The following ZNF532 variants were observed in gnomAD, a reference collection of about 807,000 sequenced individuals.
The protein encoded by ZNF532 is zinc finger protein 532.
ZNF532 carries 22 observed loss-of-function variants against 89.3 expected under a neutral mutation model. That is an observed-to-expected ratio of 0.25 (90% confidence interval 0.18 to 0.35). ZNF532 has a LOEUF of 0.35. Among genes scored for constraint, ZNF532 ranks in the 10% least tolerant of loss-of-function variants. ZNF532 has a pLI of 1.00. For missense variants in ZNF532, 1,132 were observed against 1,643.4 expected (o/e 0.69, Z 5.38); for synonymous variants, 606 against 649.6 (o/e 0.93, Z 1.02).
At chr18:58,952,900 ATG>A (rs1485295767) in intron 6 of ZNF532, among the ~76,000 whole-genome samples, 2 of 152,196 alleles carry the variant, frequency 1.3e-5, no homozygotes, top group Non-Finnish European at 2.9e-5. Context: ...TGAGTATCTA[ATG>A]TGTGTAGTTC....
chr18:58,915,758 G>A (rs2060559497), intron 2 of ZNF532, among the ~76,000 whole-genome samples: 1 of 152,208 alleles, frequency 6.6e-6, no homozygotes, highest in East Asian at 1.9e-4. Flanking sequence ...CTCAAGTTTG[G>A]TTTCATGGGG....
chr18:58,963,904 G>A (rs563099633), intron 7 of ZNF532, among the ~76,000 whole-genome samples: 1 of 152,130 alleles, frequency 6.6e-6, no homozygotes, highest in South Asian at 2.1e-4. Context: ...GTGTGGTAGG[G>A]CATAATTGCC....
intron 7 of ZNF532, among the ~76,000 whole-genome samples, chr18:58,975,263 C>T (rs964622077): frequency 6.6e-6 from 1 of 152,176 alleles, no homozygotes; most frequent in Non-Finnish European, 1.5e-5. Flanking sequence ...GTGGGAGTTT[C>T]TGGCTGCATG....
chr18:58,862,971 C>A (rs139793093), upstream of ZNF532: 3 of 152,358 alleles, frequency 2.0e-5, no homozygotes, highest in East Asian at 5.8e-4. Flanking sequence ...AAACCACTAA[C>A]TAACCAGAGG....
intron 2 of ZNF532, among the ~76,000 whole-genome samples, chr18:58,888,095 A>G (rs1350937916): frequency 2.0e-5 from 3 of 152,206 alleles, no homozygotes; most frequent in African/African-American, 7.2e-5. Flanking sequence ...AAATTATGAA[A>G]ACTTGATATA....
Position 58,920,701 on chromosome 18 carries a change from C to G in ZNF532, c.2346+68C>G, listed in dbSNP as rs2146103092. On this transcript the variant is annotated intron_variant, in intron 3 of 9. Coordinates refer to ENST00000591808, the MANE Select transcript of ZNF532 (RefSeq NM_001375912.1). ...TAGGCATGAGTGCTTGATAAGATGC[C>G]CTTGATTTTAGGGTGGGAATGCAGT... The G allele has an allele frequency of 3.6e-6, 5 of 1,370,708 alleles. No homozygotes were observed. In the East Asian group the frequency reaches 1.2e-4, roughly 33 times the overall value. The allele number at this position is 1,370,708 out of a possible 1,614,324, so 84.9% of individuals were successfully genotyped here.
chr18:58,951,978 C>G (rs544374330), intron 6 of ZNF532, among the ~76,000 whole-genome samples: 3 of 152,304 alleles, frequency 2.0e-5, no homozygotes, highest in African/African-American at 7.2e-5. Flanking sequence ...GGGCCACTTT[C>G]ACTGTTGCCT....
At chr18:58,949,601 A>G (rs966017863) in intron 6 of ZNF532, among the ~76,000 whole-genome samples, 1 of 152,202 alleles carries the variant, frequency 6.6e-6, no homozygotes, top group Admixed American at 6.5e-5. Context: ...ACTTGAACTC[A>G]GGAGGCAGAG....
chr18:58,936,896 T>C (rs368691381), intron 4 of ZNF532, among the ~76,000 whole-genome samples: 8 of 152,226 alleles, frequency 5.3e-5, no homozygotes, highest in African/African-American at 1.9e-4. Context: ...GTCTTTTCTT[T>C]AGCCAGATGA....
chr18:58,903,505 T>C lies in ZNF532; in HGVS notation c.-17-14766T>C, dbSNP rs183678689. 9.7e-4 allele frequency among the ~76,000 whole-genome samples: 147 copies of C among 152,200 alleles called. 1 individual carries two copies. Among genetic ancestry groups the C allele is most frequent in the Non-Finnish European group, 1.6e-3 (109 of 68,008 alleles). On this transcript the variant is annotated intron_variant, in intron 2 of 9. Transcript: ENST00000591808. The stretch of plus-strand genomic sequence containing the variant: ...GGCTGGAGACAGGGAGAACAGAGCA[T>C]TGGTCTCGGTGTGAGGTGAGATGGT...
At chr18:58,934,719 C>G in intron 4 of ZNF532, 105 bp downstream of exon 4, 1 of 1,108,934 alleles carries the variant, frequency 9.0e-7, no homozygotes, top group Non-Finnish European at 1.3e-6. Context: ...ACGGTGATAC[C>G]TCGATTAACA....
intron 5 of ZNF532, among the ~76,000 whole-genome samples, chr18:58,941,815 T>G (rs546143709): frequency 6.6e-6 from 1 of 151,980 alleles, no homozygotes; most frequent in South Asian, 2.1e-4. Context: ...TCTTTGTTTC[T>G]TTTCTTTTTT....
intron 2 of ZNF532, among the ~76,000 whole-genome samples, chr18:58,896,802 A>G (rs1381559953): frequency 6.6e-6 from 1 of 152,206 alleles, no homozygotes; most frequent in Non-Finnish European, 1.5e-5. Flanking sequence ...ATTAATCAGT[A>G]GAGGGAGGTG....
chr18:58,982,125 C>T (rs2067858763), intron 9 of ZNF532, among the ~76,000 whole-genome samples: 1 of 151,604 alleles, frequency 6.6e-6, no homozygotes, highest in Admixed American at 6.6e-5. Flanking sequence ...TGGTGAAACC[C>T]CATCTCTACT....
At chr18:58,910,664 G>A (rs1440554535) in intron 2 of ZNF532, among the ~76,000 whole-genome samples, 1 of 151,656 alleles carries the variant, frequency 6.6e-6, no homozygotes, top group African/African-American at 2.4e-5. Flanking sequence ...AGAGAGAGAG[G>A]GGGTTTCATC....
chr18:58,947,574 T>C (rs560406498), intron 5 of ZNF532, among the ~76,000 whole-genome samples: 5 of 152,344 alleles, frequency 3.3e-5, no homozygotes, highest in African/African-American at 1.2e-4. Context: ...TAAGAACAGG[T>C]ATAGAAATAT....
intron 2 of ZNF532, among the ~76,000 whole-genome samples, chr18:58,901,676 A>G (rs1309785234): frequency 6.6e-6 from 1 of 152,196 alleles, no homozygotes; most frequent in African/African-American, 2.4e-5. Flanking sequence ...ACCTATTACA[A>G]GTGACGATGA....
At chr18:58,982,511 A>G (rs1227889110) in intron 9 of ZNF532, among the ~76,000 whole-genome samples, 1 of 151,738 alleles carries the variant, frequency 6.6e-6, no homozygotes, top group Non-Finnish European at 1.5e-5. Flanking sequence ...ATCTCCAGCT[A>G]CTCAGGAGGC....
intron 2 of ZNF532, among the ~76,000 whole-genome samples, chr18:58,866,181 G>A (rs2144377374): frequency 6.6e-6 from 1 of 152,302 alleles, no homozygotes; most frequent in Admixed American, 6.5e-5. Context: ...AATACCAGGG[G>A]GAAGCCGGGT....
Sources: allele counts gnomAD v4.1 joint callset (sites outside exome capture counted in the v4.1 genomes callset), GRCh38; gene constraint gnomAD v4.1.1; transcripts MANE v1.5; gene names NCBI Gene and HGNC (gene_info 2026-07-23, HGNC 2026-07-21).